Variants in OSBPL5 observed in about 807,000 individuals in gnomAD.
OSBPL5 encodes oxysterol binding protein like 5, also known as oxysterol-binding protein-related protein 5.
In OSBPL5, 71 loss-of-function variants were observed where a neutral mutation model predicts 111.2. The ratio of observed to expected loss-of-function variants is 0.64; its 90% CI spans 0.53 to 0.78. The LOEUF (loss-of-function observed/expected upper bound fraction) is 0.78. Among genes scored for constraint, OSBPL5 ranks in the 30% least tolerant of loss-of-function variants. The pLI, the probability that OSBPL5 is intolerant of heterozygous loss-of-function variation, is 0.00. For missense variants in OSBPL5, 1,210 were observed against 1,189.3 expected, an observed-to-expected ratio of 1.02 and a Z score of -0.26; for synonymous variants, 549 against 513.9, an observed-to-expected ratio of 1.07 and a Z score of -0.93.
chr11:3,103,859 C>CAGCCCCTTCCAGCCTCT (rs1564830734), intron 10 of OSBPL5, among the ~76,000 whole-genome samples: 1 of 40,590 alleles, frequency 2.5e-5, no homozygotes, highest in African/African-American at 6.5e-5. Flanking sequence ...TTCCAGTCTG[C>CAGCCCCTTCCAGCCTCT]GCAGCCCCCT....
At chr11:3,134,697 AGC>A (rs1312050942) in intron 1 of OSBPL5, among the ~76,000 whole-genome samples, 1 of 152,120 alleles carries the variant, frequency 6.6e-6, no homozygotes, top group Non-Finnish European at 1.5e-5. Context: ...ATGTGCTCTG[AGC>A]AGAGCCTCCT....
Position 3,119,758 on chromosome 11 carries a change from C to G in OSBPL5, c.607-127G>C, listed in dbSNP as rs912778014. The G allele has an allele frequency of 1.3e-5, 10 of 797,330 alleles. No homozygotes were observed. In the African/African-American group the frequency reaches 1.7e-4, roughly 13 times the overall value. 49.4% of individuals were successfully genotyped at this position (797,330 alleles called of 1,614,324 possible). ...GACACCCCCAGGGCCACAGGGCCAC[C>G]AGGTGGGGCCAGGCACCTGGCCAGG... On this transcript the variant is annotated intron_variant, in intron 6 of 21. Transcript: ENST00000263650.
intron 14 of OSBPL5, among the ~76,000 whole-genome samples, chr11:3,098,073 T>G (rs1242673575): frequency 6.6e-6 from 1 of 151,782 alleles, no homozygotes; most frequent in East Asian, 1.9e-4. Flanking sequence ...CAACTTCGTC[T>G]CAAAACAAAA....
At chr11:3,139,639 C>G (rs1453341292) in intron 1 of OSBPL5, among the ~76,000 whole-genome samples, 1 of 152,206 alleles carries the variant, frequency 6.6e-6, no homozygotes, top group African/African-American at 2.4e-5. Flanking sequence ...GCCCCCGCCC[C>G]AGGGAGGCCT....
At position 3,088,173 on chromosome 11, in the gene OSBPL5, A is replaced by C. The variant is rs2289999; in HGVS notation, c.*32T>G. 1.3e-6 allele frequency: 2 copies of C among 1,516,164 alleles called. No homozygotes were observed. The highest frequency in any genetic ancestry group is 2.8e-5 in the African/African-American group (2 of 71,614). The allele number at this position is 1,516,164 out of a possible 1,614,324, so 93.9% of individuals were successfully genotyped here. ...GCTGGGTGCCTGGGAGGGAGGGCTC[A>C]GGACCGGCCAGGAGCTCTGCCCTCA... On this transcript the variant is annotated 3_prime_UTR_variant, in exon 22 of 22. Coordinates refer to ENST00000263650, the MANE Select transcript of OSBPL5 (RefSeq NM_020896.4).
At chr11:3,122,520 A>G (rs1858459716) in intron 3 of OSBPL5, 92 bp from the exon 4 acceptor site, 1 of 1,125,312 alleles carries the variant, frequency 8.9e-7, no homozygotes, top group Admixed American at 2.2e-5. Context: ...ATATGAGGGC[A>G]GAAGTCAGAG....
rs1383506074 is a variant in OSBPL5, at chr11:3,104,211, T to C, written c.1226A>G (p.His409Arg). 6.2e-7 allele frequency: 1 copy of C among 1,610,616 alleles called. No individual in the cohort carries two copies. The highest frequency in any genetic ancestry group is 8.5e-7 in the Non-Finnish European group (1 of 1,177,534). The stretch of plus-strand genomic sequence containing the variant: ...CGCGCACCTGGAGAGCAGGTCTGCG[T>C]GGTAGTAGTAGTCGGAGAGCTTGTT... Reference protein sequence around the residue: ...FLNKLSDYYYHADLLSRAAVE... With the variant: ...FLNKLSDYYYRADLLSRAAVE... The change falls in exon 10 of 22, where the codon CAC becomes CGC. Residue 409 changes from histidine to arginine, a missense_variant. Coordinates refer to ENST00000263650, the MANE Select transcript of OSBPL5 (RefSeq NM_020896.4). The surrounding 1 kb of genome is among the most constrained non-coding windows in gnomAD (Gnocchi z 5.0).
chr11:3,106,872 A>C lies in OSBPL5; in HGVS notation c.1059+391T>G, dbSNP rs111311820. Among the ~76,000 whole-genome samples, 1,231 of 152,202 alleles carry C rather than the reference A, an allele frequency of 8.1e-3. 17 individuals are homozygous for C. Among genetic ancestry groups the C allele is most frequent in the African/African-American group, 0.028 (1,174 of 41,524 alleles). On this transcript the variant is annotated intron_variant, in intron 9 of 21. Transcript: ENST00000263650. This position sits in a 1 kb window ranked among gnomAD's most constrained non-coding sequence, Gnocchi z 8.4. ...ACCAGGTGTGCAGGTGCCTGTGAGC[A>C]TGGGACTCAGGTCCACACGCCCTCC...
chr11:3,112,057 A>ATGTGTGCATG (rs71035484), intron 7 of OSBPL5, among the ~76,000 whole-genome samples: 1 of 118,164 alleles, frequency 8.5e-6, no homozygotes, highest in Non-Finnish European at 1.8e-5. Context: ...ATGTGTGTGC[A>ATGTGTGCATG]TGTGTATGTG....
At chr11:3,131,707 C>CATCCATCT (rs1377035018) in intron 1 of OSBPL5, among the ~76,000 whole-genome samples, 1 of 129,652 alleles carries the variant, frequency 7.7e-6, no homozygotes, top group Non-Finnish European at 1.6e-5. Context: ...TCTATCCATC[C>CATCCATCT]ATCCATCCAT....
At chr11:3,152,149 G>C (rs1446587086) in intron 1 of OSBPL5, among the ~76,000 whole-genome samples, 1 of 152,214 alleles carries the variant, frequency 6.6e-6, no homozygotes, top group Non-Finnish European at 1.5e-5. Flanking sequence ...GGGAGGCAGG[G>C]TGGCCCTGGG....
rs368276334 is a variant in OSBPL5, at chr11:3,107,760, G to A, written c.866+11C>T. On this transcript the variant is annotated intron_variant, in intron 8 of 21. Transcript: ENST00000263650. This position sits in a 1 kb window ranked among gnomAD's most constrained non-coding sequence, Gnocchi z 6.1. ...AATCACCACCAGCCCCTGTGCCCTC[G>A]CCCCACTCACGGGAACAGGTCTTGG... is the stretch of plus-strand genomic sequence containing the variant. The A allele has an allele frequency of 1.0e-4, 168 of 1,609,972 alleles. No individual in the cohort carries two copies. Among genetic ancestry groups the A allele is most frequent in the Non-Finnish European group, 1.3e-4 (157 of 1,179,696 alleles).
intron 11 of OSBPL5, 28 bp downstream of exon 11, chr11:3,103,211 C>A (rs771369173): frequency 2.5e-5 from 39 of 1,574,874 alleles, no homozygotes; most frequent in Middle Eastern, 1.7e-4. Flanking sequence ...GGCCGGAGCC[C>A]CACCCTCCCT....
At chr11:3,152,588 G>C (rs1051194611) in intron 1 of OSBPL5, among the ~76,000 whole-genome samples, 2 of 152,172 alleles carry the variant, frequency 1.3e-5, no homozygotes, top group African/African-American at 2.4e-5. Context: ...CAGGATTATC[G>C]GGAGCGGCCT....
chr11:3,097,030 A>T (rs1857288220), intron 14 of OSBPL5, among the ~76,000 whole-genome samples: 1 of 102,116 alleles, frequency 9.8e-6, no homozygotes, highest in African/African-American at 3.9e-5. Context: ...GGGGGAGGAG[A>T]GGAAAGAGGG....
At chr11:3,089,362 T>C (rs1856980009) in intron 21 of OSBPL5, among the ~76,000 whole-genome samples, 1 of 152,288 alleles carries the variant, frequency 6.6e-6, no homozygotes, top group Non-Finnish European at 1.5e-5. Context: ...CTGCTCCTCA[T>C]TGGTGGGATC....
chr11:3,104,299 G>A lies in OSBPL5; in HGVS notation c.1138C>T (p.Pro380Ser). Reference protein sequence around the residue: ...LMWTLLKQLRPGMDLSRVVLP... With the variant: ...LMWTLLKQLRSGMDLSRVVLP... ...ACCACGCGGGACAGGTCCATGCCTG[G>A]CCGTAGCTGCTTCAGCAGGGTCCAC... The change falls in exon 10 of 22, where the codon CCA becomes TCA. Residue 380 changes from proline to serine, a missense_variant. Transcript: ENST00000263650. The surrounding 1 kb of genome is among the most constrained non-coding windows in gnomAD (Gnocchi z 5.0). The A allele has an allele frequency of 6.2e-7, 1 of 1,613,752 alleles. No homozygotes were observed. The highest frequency in any genetic ancestry group is 8.5e-7 in the Non-Finnish European group (1 of 1,179,974).
rs1168707115 is a variant in OSBPL5, at chr11:3,142,123, T to C, written c.-21-12954A>G. Among the ~76,000 whole-genome samples the C allele has an allele frequency of 6.6e-6, 1 of 152,208 alleles. No individual in the cohort carries two copies. Among genetic ancestry groups the C allele is most frequent in the Non-Finnish European group, 1.5e-5 (1 of 68,040 alleles). On this transcript the variant is annotated intron_variant, in intron 1 of 21. Transcript: ENST00000263650. The surrounding 1 kb of genome is among the most constrained non-coding windows in gnomAD (Gnocchi z 7.1). ...CAGTAGAGACATGGTTTCACCATGT[T>C]GGCCAGGCTGGTCTCCAACTCCCGA...
chr11:3,155,549 TCACTCACCCCAGCTCTGC>T (rs1164464082), intron 1 of OSBPL5, among the ~76,000 whole-genome samples: 4 of 46,328 alleles, frequency 8.6e-5, no homozygotes, highest in African/African-American at 2.2e-4. Flanking sequence ...GCTCTGCCAC[TCACTCACCCCAGCTCTGC>T]CACTCACCCC....
Sources: allele counts gnomAD v4.1 joint callset (sites outside exome capture counted in the v4.1 genomes callset), GRCh38; gene constraint gnomAD v4.1.1; non-coding constraint Gnocchi (gnomAD v3.1); transcripts MANE v1.5; gene names NCBI Gene and HGNC (gene_info 2026-07-23, HGNC 2026-07-21).